The following AP1S3 variants were observed in gnomAD, a reference collection of about 807,000 sequenced individuals.
AP1S3 encodes AP-1 complex subunit sigma-3.
Under a neutral mutation model 20.9 loss-of-function variants are expected in AP1S3, and 10 were observed. That is an observed-to-expected ratio of 0.48 (90% CI 0.29 to 0.81). AP1S3 has a LOEUF of 0.81. AP1S3 is among the 30% of genes least tolerant of loss of function. The pLI is 0.08. For missense variants in AP1S3, 154 were observed against 183.8 expected, an observed-to-expected ratio of 0.84 and a Z score of 0.94; for synonymous variants, 41 against 61.5, an observed-to-expected ratio of 0.67 and a Z score of 1.56.
At chr2:223,835,161 T>C (rs1459433709) in intron 1 of AP1S3, among the ~76,000 whole-genome samples, 1 of 118,634 alleles carries the variant, frequency 8.4e-6, no homozygotes, top group African/African-American at 3.1e-5. Context: ...TTAGGAGATA[T>C]TATCTCCATT....
chr2:223,798,863 G>A lies in AP1S3; in HGVS notation c.4-20994C>T, dbSNP rs533352651. Among the ~76,000 whole-genome samples the A allele has an allele frequency of 3.9e-5, 6 of 152,250 alleles. No homozygotes were observed. In the South Asian group the frequency reaches 6.2e-4, roughly 16 times the overall value. On this transcript the variant is annotated intron_variant, in intron 1 of 4. Transcript: ENST00000396654. ...AAGGTGGGCAGATCACCTGAGGTCC[G>A]GAGTTTGAGACCAGCCTGGCCAACG...
At chr2:223,823,844 G>A (rs1692054023) in intron 1 of AP1S3, among the ~76,000 whole-genome samples, 2 of 152,124 alleles carry the variant, frequency 1.3e-5, no homozygotes, top group South Asian at 4.1e-4. Flanking sequence ...AAAACAGCTT[G>A]TTGTACGGTG....
chr2:223,803,072 G>A (rs1691503364), intron 1 of AP1S3, among the ~76,000 whole-genome samples: 1 of 152,118 alleles, frequency 6.6e-6, no homozygotes, highest in Non-Finnish European at 1.5e-5. Flanking sequence ...TGAAAGCCAA[G>A]TTTAAATTTT....
chr2:223,830,329 A>C (rs181043377), intron 1 of AP1S3, among the ~76,000 whole-genome samples: 97 of 151,856 alleles, frequency 6.4e-4, no homozygotes, highest in African/African-American at 2.2e-3. Flanking sequence ...AAATACAAAA[A>C]TTAGCCGGGC....
chr2:223,825,739 G>A (rs943213654), intron 1 of AP1S3, among the ~76,000 whole-genome samples: 7 of 152,026 alleles, frequency 4.6e-5, no homozygotes, highest in Admixed American at 1.3e-4. Context: ...AAAGATTGCC[G>A]GCCATGGTGG....
intron 1 of AP1S3, among the ~76,000 whole-genome samples, chr2:223,818,701 C>T (rs919397976): frequency 9.2e-5 from 14 of 151,996 alleles, no homozygotes; most frequent in Non-Finnish European, 2.1e-4. Flanking sequence ...TACAGGCATG[C>T]GCCACCACAC....
intron 3 of AP1S3, 90 bp from the exon 4 acceptor site, chr2:223,765,440 CAT>C (rs1210103358): frequency 7.4e-7 from 1 of 1,357,532 alleles, no homozygotes; most frequent in East Asian, 2.4e-5. Context: ...AGTTTGCACT[CAT>C]GTGGCGTACC....
chr2:223,830,749 T>C (rs1182017869), intron 1 of AP1S3, among the ~76,000 whole-genome samples: 1 of 152,148 alleles, frequency 6.6e-6, no homozygotes, highest in Non-Finnish European at 1.5e-5. Context: ...GGACATTAAA[T>C]ACAGAATCTC....
chr2:223,814,561 A>G (rs553602607), intron 1 of AP1S3, among the ~76,000 whole-genome samples: 1 of 152,306 alleles, frequency 6.6e-6, no homozygotes, highest in African/African-American at 2.4e-5. Context: ...ACATGGGGCT[A>G]GTTTTCCAAA....
At chr2:223,801,287 TAGA>T (rs1691460069) in intron 1 of AP1S3, among the ~76,000 whole-genome samples, 1 of 152,178 alleles carries the variant, frequency 6.6e-6, no homozygotes, top group African/African-American at 2.4e-5. Context: ...ATCGACGAGC[TAGA>T]AGGTTTCAGA....
At chr2:223,759,078 G>A (rs185645667) in intron 4 of AP1S3, among the ~76,000 whole-genome samples, 213 of 152,190 alleles carry the variant, frequency 1.4e-3, no homozygotes, top group Non-Finnish European at 1.1e-3. Context: ...CAGATCACCT[G>A]AGGCCAGCCT....
rs1048900764 is a variant in AP1S3 at position 223,757,033 on chromosome 2, C to T, written c.*1682G>A. On this transcript the variant is annotated 3_prime_UTR_variant, in exon 5 of 5. Transcript: ENST00000396654. ...TGAGACGCAGTCTTGCTCTGTCACC[C>T]GCCTGGAGTGCACTGGTATGACCTT... 1.5e-5 allele frequency: 15 copies of T among 977,532 alleles called. No individual in the cohort carries two copies. Among genetic ancestry groups the T allele is most frequent in the Non-Finnish European group, 1.5e-5 (12 of 823,274 alleles). The allele number at this position is 977,532 out of a possible 1,614,324, so 60.6% of individuals were successfully genotyped here.
chr2:223,795,380 C>T (rs1223457224), intron 1 of AP1S3, among the ~76,000 whole-genome samples: 1 of 152,214 alleles, frequency 6.6e-6, no homozygotes, highest in Admixed American at 6.5e-5. Flanking sequence ...GTTTCCCAGA[C>T]ACTTTTTACA....
chr2:223,816,539 T>C (rs959258754), intron 1 of AP1S3, among the ~76,000 whole-genome samples: 7 of 152,312 alleles, frequency 4.6e-5, no homozygotes, highest in Middle Eastern at 3.4e-3. Flanking sequence ...CAGGAGACCG[T>C]GGATAGGGTC....
intron 1 of AP1S3, among the ~76,000 whole-genome samples, chr2:223,807,838 T>A (rs558036065): frequency 6.7e-6 from 1 of 149,432 alleles, no homozygotes; most frequent in Non-Finnish European, 1.5e-5. Flanking sequence ...TTTTTTTTTA[T>A]GAATTACCTA....
chr2:223,809,456 C>A (rs1691666444), intron 1 of AP1S3, among the ~76,000 whole-genome samples: 1 of 151,940 alleles, frequency 6.6e-6, no homozygotes, highest in Non-Finnish European at 1.5e-5. Context: ...ACCAGCCTGA[C>A]CAATATGGTG....
In AP1S3 at chr2:223,825,921, G is replaced by A. The variant is rs114278944; in HGVS notation, c.3+11527C>T. Among the ~76,000 whole-genome samples, 1,052 of 152,246 alleles carry A rather than the reference G, an allele frequency of 6.9e-3. 18 individuals are homozygous for A. Among genetic ancestry groups the A allele is most frequent in the African/African-American group, 0.024 (1,017 of 41,550 alleles). On this transcript the variant is annotated intron_variant, in intron 1 of 4. Transcript: ENST00000396654. The stretch of plus-strand genomic sequence containing the variant: ...AACCCCAGCTACTTGGGAGGCTAAG[G>A]TGGGGGGATCACTTGAACCTGGGAC...
intron 3 of AP1S3, among the ~76,000 whole-genome samples, chr2:223,766,489 C>A (rs533286380): frequency 6.6e-6 from 1 of 152,232 alleles, no homozygotes; most frequent in East Asian, 1.9e-4. Context: ...AAATGCAAAT[C>A]AAAAACTACA....
intron 1 of AP1S3, among the ~76,000 whole-genome samples, chr2:223,828,058 TAAAAAAAAAAAAAAAAAAAAAAAAA>T (rs527671959): frequency 5.3e-5 from 5 of 94,656 alleles, no homozygotes; most frequent in Non-Finnish European, 4.5e-5. Context: ...AGACTTCATC[TAAAAAAAAAAAAAAAAAAAAAAAAA>T]AAAAAAAAAA....
Sources: gnomAD v4.1 joint callset for allele counts (sites outside exome capture counted in the v4.1 genomes callset) on GRCh38, gnomAD v4.1.1 for gene constraint, MANE v1.5 for transcripts, NCBI Gene and HGNC (gene_info 2026-07-23, HGNC 2026-07-21) for gene names.